The following NSD3 variants were observed in gnomAD, a reference collection of about 807,000 sequenced individuals.
NSD3 encodes nuclear receptor binding SET domain protein 3.
Under a neutral mutation model 160.8 loss-of-function variants are expected in NSD3, and 24 were observed. That is an observed-to-expected ratio of 0.15 (90% CI 0.11 to 0.21). The LOEUF (loss-of-function observed/expected upper bound fraction) is 0.21. Among genes scored for constraint, NSD3 ranks in the 10% least tolerant of loss-of-function variants. The probability of loss-of-function intolerance (pLI) is 1.00; values close to 1 mark genes in which losing one functional copy is unlikely to be tolerated. For missense variants in NSD3, 1,157 were observed against 1,735.9 expected (o/e 0.67, Z 5.93); for synonymous variants, 520 against 600.0 (o/e 0.87, Z 1.95).
chr8:38,340,140 AAT>A (rs1810325614), intron 2 of NSD3, among the ~76,000 whole-genome samples: 1 of 152,192 alleles, frequency 6.6e-6, no homozygotes, highest in Non-Finnish European at 1.5e-5. Context: ...AGATTTTTAA[AAT>A]ATGTTACTTG....
At chr8:38,313,705 G>A (rs1809588183) in intron 12 of NSD3, among the ~76,000 whole-genome samples, 1 of 150,936 alleles carries the variant, frequency 6.6e-6, no homozygotes, top group East Asian at 2.0e-4. Flanking sequence ...GGAGAATGGC[G>A]TGAACCTGGG....
At chr8:38,292,077 C>T (rs887291501) in intron 16 of NSD3, among the ~76,000 whole-genome samples, 2 of 152,126 alleles carry the variant, frequency 1.3e-5, no homozygotes, top group African/African-American at 4.8e-5. Flanking sequence ...ATATCCATAA[C>T]TTTAAAAAAA....
intron 12 of NSD3, among the ~76,000 whole-genome samples, chr8:38,309,263 T>G (rs1237983054): frequency 6.6e-6 from 1 of 151,426 alleles, no homozygotes; most frequent in African/African-American, 2.4e-5. Context: ...AGGTCAGGAG[T>G]TCGGGGCTAG....
intron 12 of NSD3, among the ~76,000 whole-genome samples, chr8:38,307,323 T>C (rs1300730433): frequency 2.6e-5 from 4 of 151,970 alleles, no homozygotes; most frequent in Non-Finnish European, 5.9e-5. Flanking sequence ...TAATTGGGAC[T>C]ACAGTGATAA....
chr8:38,367,402 T>C (rs781508801), intron 1 of NSD3, among the ~76,000 whole-genome samples: 3 of 152,068 alleles, frequency 2.0e-5, no homozygotes, highest in Non-Finnish European at 4.4e-5. Flanking sequence ...AGAATATATA[T>C]ATATATGTGG....
In NSD3 at chr8:38,329,503, G is replaced by C. The variant is rs1809999734; in HGVS notation, c.1456C>G (p.His486Asp). Reference protein sequence around the residue: ...RKSLPASITMHKGSLDLQKCN... With the variant: ...RKSLPASITMDKGSLDLQKCN... Reference sequence around the variant, plus strand: ...TTCTGCAAATCCAGGCTCCCTTTGTGCATCGTAATGGAAGCTGGTAAGGAT... The same window carrying C: ...TTCTGCAAATCCAGGCTCCCTTTGTCCATCGTAATGGAAGCTGGTAAGGAT... The change falls in exon 6 of 24, where the codon CAC becomes GAC. Residue 486 changes from histidine to aspartate, a missense_variant. Physicochemically the swap from His to Asp is moderately conservative, Grantham distance 81. Coordinates refer to ENST00000317025, the MANE Select transcript of NSD3 (RefSeq NM_023034.2). The surrounding 1 kb of genome is among the most constrained non-coding windows in gnomAD (Gnocchi z 4.8). The C allele has an allele frequency of 1.9e-6, 3 of 1,614,210 alleles. No homozygotes were observed. The highest frequency in any genetic ancestry group is 2.5e-6 in the Non-Finnish European group (3 of 1,180,040).
rs1809702998 is a variant in NSD3, at chr8:38,317,709, G to C, written c.1855+1186C>G. 5 of 1,341,000 alleles carry C rather than the reference G, an allele frequency of 3.7e-6. No individual in the cohort carries two copies. The Admixed American group carries it at 1.3e-4, about 35-fold the overall frequency. 83.1% of individuals were successfully genotyped at this position (1,341,000 alleles called of 1,614,324 possible). A position where few individuals can be genotyped will look rare whatever the true frequency, so the allele number is the denominator to read the frequency against. ...GAAATTGATCAGTGTAAGTTAAATG[G>C]TGGTTTTTAGGCTGGACCCATGATT... is the stretch of plus-strand genomic sequence containing the variant. On this transcript the variant is annotated intron_variant, in intron 9 of 23. Coordinates refer to ENST00000317025, the MANE Select transcript of NSD3 (RefSeq NM_023034.2). The surrounding 1 kb of genome is among the most constrained non-coding windows in gnomAD (Gnocchi z 5.3).
At chr8:38,315,850 A>T in intron 10 of NSD3, 62 bp downstream of exon 10, 1 of 1,555,110 alleles carries the variant, frequency 6.4e-7, no homozygotes, top group South Asian at 1.2e-5. Context: ...TCCCCAAATA[A>T]ATAAGGGAAA....
intron 2 of NSD3, among the ~76,000 whole-genome samples, chr8:38,342,352 C>T (rs1362665142): frequency 6.6e-6 from 1 of 152,116 alleles, no homozygotes; most frequent in Admixed American, 6.6e-5. Context: ...GTACTAATTC[C>T]ACTGCTTTGT....
Position 38,276,478 on chromosome 8 carries a change from T to G in NSD3, c.3890A>C (p.Glu1297Ala). ...RPKSACASTN[E>A]EKAKNAKLKQ... ...TAACTTAGCATTTTTTGCCTTCTCT[T>G]CATTTGTTGACGCACATGCCGACTG... Residue 1297 changes from glutamate to alanine, a missense_variant, in exon 23 of 24, where the codon GAA becomes GCA. Glu to Ala is a moderately radical substitution (Grantham distance 107). This residue lies in a region of NSD3 where 222 missense variants were observed against 409.9 expected (regional missense o/e 0.54). Coordinates refer to ENST00000317025, the MANE Select transcript of NSD3 (RefSeq NM_023034.2). 6.2e-7 allele frequency: 1 copy of G among 1,614,240 alleles called. No homozygotes were observed. Among genetic ancestry groups the G allele is most frequent in the Non-Finnish European group, 8.5e-7 (1 of 1,180,040 alleles).
chr8:38,275,520 TTTTGC>T lies in NSD3; in HGVS notation c.*116_*120del. The T allele has an allele frequency of 1.1e-6, 1 of 938,048 alleles. No homozygotes were observed. The highest frequency in any genetic ancestry group is 2.9e-5 in the Admixed American group (1 of 34,452). 58.1% of individuals were successfully genotyped at this position (938,048 alleles called of 1,614,324 possible). On this transcript the variant is annotated 3_prime_UTR_variant, in exon 24 of 24. Transcript: ENST00000317025. ...CTGCCTGCATGAACTGGTTTCCCATTTTTGCTTTAATAAGGCAGTTCCGATGGCAA... is the reference window on the plus strand; with the variant it reads ...CTGCCTGCATGAACTGGTTTCCCATTTTTAATAAGGCAGTTCCGATGGCAA...
At chr8:38,292,081 A>T (rs992863288) in intron 16 of NSD3, among the ~76,000 whole-genome samples, 1 of 152,214 alleles carries the variant, frequency 6.6e-6, no homozygotes, top group African/African-American at 2.4e-5. Context: ...CCATAACTTT[A>T]AAAAAATTGA....
intron 1 of NSD3, among the ~76,000 whole-genome samples, chr8:38,373,934 CA>C (rs61532119): frequency 0.02 from 511 of 25,148 alleles, 1 homozygote; most frequent in African/African-American, 0.051. Flanking sequence ...TCTGTCTCTA[CA>C]AAAAAAAAAA....
chr8:38,318,076 T>C lies in NSD3; in HGVS notation c.1855+819A>G. ...GGAAACACAACGCAATCAGGCCTCC[T>C]AATCTCGCAGCGATCGCGATGTCTT... On this transcript the variant is annotated intron_variant, in intron 9 of 23. Transcript: ENST00000317025. This position sits in a 1 kb window ranked among gnomAD's most constrained non-coding sequence, Gnocchi z 5.3. 1 of 1,612,984 alleles carries C rather than the reference T, an allele frequency of 6.2e-7. No homozygotes were observed. The highest frequency in any genetic ancestry group is 8.5e-7 in the Non-Finnish European group (1 of 1,179,376).
rs147134053 is a variant in NSD3, at chr8:38,376,771, G to C, written c.-45+5028C>G. Among the ~76,000 whole-genome samples the C allele has an allele frequency of 5.3e-3, 802 of 152,194 alleles. 4 individuals carry two copies. Among genetic ancestry groups the C allele is most frequent in the African/African-American group, 0.018 (766 of 41,540 alleles). Reference sequence around the variant, plus strand: ...CAATACTTTAAGGAAGTAATAGGTTGTGCTGTAAAGAACCAAGTAACGGGT... The same window carrying C: ...CAATACTTTAAGGAAGTAATAGGTTCTGCTGTAAAGAACCAAGTAACGGGT... On this transcript the variant is annotated intron_variant, in intron 1 of 23. Transcript: ENST00000317025.
At chr8:38,373,381 C>T (rs1238235897) in intron 1 of NSD3, among the ~76,000 whole-genome samples, 1 of 152,072 alleles carries the variant, frequency 6.6e-6, no homozygotes, top group Non-Finnish European at 1.5e-5. Flanking sequence ...TGCCACCACG[C>T]CTAATTTTTG....
chr8:38,309,085 C>A (rs1430116933), intron 12 of NSD3, among the ~76,000 whole-genome samples: 1 of 150,460 alleles, frequency 6.6e-6, no homozygotes, highest in Non-Finnish European at 1.5e-5. Context: ...AAGGTGGGTG[C>A]ATTGCTTGAG....
intron 1 of NSD3, among the ~76,000 whole-genome samples, chr8:38,367,667 G>A (rs749262316): frequency 7.9e-5 from 12 of 152,046 alleles, no homozygotes; most frequent in Non-Finnish European, 1.6e-4. Flanking sequence ...AGCTGAGATT[G>A]TGCCACTGCA....
At position 38,319,014 on chromosome 8, in the gene NSD3, C is replaced by T. The variant is rs973708102; in HGVS notation, c.1810-74G>A. On this transcript the variant is annotated intron_variant, in intron 8 of 23. Transcript: ENST00000317025. This position sits in a 1 kb window ranked among gnomAD's most constrained non-coding sequence, Gnocchi z 4.1. ...TAATTATTAACAGAGGGAAAAGATACTTTCATCAATCTAAGCAATGATGAG... is the reference window on the plus strand; with the variant it reads ...TAATTATTAACAGAGGGAAAAGATATTTTCATCAATCTAAGCAATGATGAG... 5 of 1,316,662 alleles carry T rather than the reference C, an allele frequency of 3.8e-6. No homozygotes were observed. The highest frequency in any genetic ancestry group is 5.4e-6 in the Non-Finnish European group (5 of 932,890). The allele number at this position is 1,316,662 out of a possible 1,614,324, so 81.6% of individuals were successfully genotyped here.
Sources: gnomAD v4.1 joint callset for allele counts (sites outside exome capture counted in the v4.1 genomes callset) on GRCh38, gnomAD v4.1.1 for gene constraint, gnomAD v4.1.1 regional missense constraint, Gnocchi (gnomAD v3.1) non-coding constraint, MANE v1.5 for transcripts, NCBI Gene and HGNC (gene_info 2026-07-23, HGNC 2026-07-21) for gene names.